Variants in PEPD observed in about 807,000 individuals in gnomAD.
PEPD encodes xaa-Pro dipeptidase.
In PEPD, 53 loss-of-function variants were observed where a neutral mutation model predicts 60.7. That is an observed-to-expected ratio of 0.87 (90% CI 0.70 to 1.10). The LOEUF (loss-of-function observed/expected upper bound fraction) is 1.10, where lower values mean the gene tolerates loss of function less well. Ranked by LOEUF, PEPD falls within the 50% of genes least tolerant of loss-of-function variation. The pLI, the probability that PEPD is intolerant of heterozygous loss-of-function variation, is 0.00. For synonymous variants in PEPD, 267 were observed against 284.1 expected, an observed-to-expected ratio of 0.94 and a Z score of 0.60; for missense variants, 711 against 711.9, an observed-to-expected ratio of 1.00 and a Z score of 0.01.
At position 33,387,451 on chromosome 19, in the gene PEPD, C is replaced by G; in HGVS notation, c.1375G>C (p.Asp459His). The change falls in exon 15 of 15, where the codon GAC becomes CAC. Residue 459 changes from aspartate (D) to histidine (H), a missense_variant. By Grantham distance (81) the Asp-to-His change is moderately conservative. Transcript: ENST00000244137. ...CAGGTCAGCAGCTCTATGCCGCTGT[C>G]AGTCACCACGACGTCCTCCTCGATG... ...VRIEEDVVVT[D>H]SGIELLTCVP... The G allele has an allele frequency of 6.2e-7, 1 of 1,613,944 alleles. No individual in the cohort carries two copies. The highest frequency in any genetic ancestry group is 8.5e-7 in the Non-Finnish European group (1 of 1,180,044).
chr19:33,455,050 G>A (rs1181346718), intron 9 of PEPD, among the ~76,000 whole-genome samples: 2 of 152,340 alleles, frequency 1.3e-5, no homozygotes, highest in African/African-American at 4.8e-5. Flanking sequence ...GCCCAGAGGA[G>A]GCTAAGGAGA....
At chr19:33,515,477 A>G (rs1971008251) in intron 1 of PEPD, among the ~76,000 whole-genome samples, 1 of 152,040 alleles carries the variant, frequency 6.6e-6, no homozygotes, top group Admixed American at 6.5e-5. Context: ...GAGAGTTCGT[A>G]AACATGACCA....
At chr19:33,451,168 G>C (rs952389214) in intron 9 of PEPD, among the ~76,000 whole-genome samples, 8 of 152,184 alleles carry the variant, frequency 5.3e-5, no homozygotes, top group Non-Finnish European at 1.0e-4. Context: ...TAATAAAGCT[G>C]TTTCTTCCTA....
intron 9 of PEPD, among the ~76,000 whole-genome samples, chr19:33,459,548 C>T (rs1318267791): frequency 6.6e-6 from 1 of 152,100 alleles, no homozygotes. Context: ...CCAACACGGA[C>T]GTCTTATTGG....
chr19:33,512,484 AG>A, intron 2 of PEPD, 108 bp downstream of exon 2: 1 of 1,032,034 alleles, frequency 9.7e-7, no homozygotes, highest in Non-Finnish European at 1.5e-6. Flanking sequence ...ACAGAGGCTC[AG>A]GGAGGGCCAC....
At chr19:33,500,203 G>A (rs1226152119) in intron 4 of PEPD, among the ~76,000 whole-genome samples, 3 of 152,222 alleles carry the variant, frequency 2.0e-5, no homozygotes, top group South Asian at 4.1e-4. Context: ...ACAGGACGTG[G>A]GGTTGTGACA....
rs1389825588 is a variant in PEPD at position 33,396,654 on chromosome 19, A to G, written c.967+5067T>C. On this transcript the variant is annotated intron_variant, in intron 12 of 14. Coordinates refer to ENST00000244137, the MANE Select transcript of PEPD (RefSeq NM_000285.4). ...GGGCCCCCAGTGACAGGGGCACAGG[A>G]GGCTCCTGGGTGAGCACAGGAAAGA... Among the ~76,000 whole-genome samples, 10 of 120,254 alleles carry G rather than the reference A, an allele frequency of 8.3e-5. 1 individual carries two copies. The highest frequency in any genetic ancestry group is 3.2e-4 in the African/African-American group (10 of 31,468). The allele number at this position is 120,254 out of a possible 152,430, so 78.9% of individuals were successfully genotyped here. A position where few individuals can be genotyped will look rare whatever the true frequency, so the allele number is the denominator to read the frequency against.
At chr19:33,477,182 G>A (rs1464707701) in intron 7 of PEPD, 1 of 152,340 alleles carries the variant, frequency 6.6e-6, no homozygotes, top group Non-Finnish European at 1.5e-5. Flanking sequence ...TGAACGAGTG[G>A]TCCTTTTGCC....
At chr19:33,517,980 G>A (rs1019657062) in intron 1 of PEPD, among the ~76,000 whole-genome samples, 4 of 151,772 alleles carry the variant, frequency 2.6e-5, no homozygotes, top group African/African-American at 9.7e-5. Flanking sequence ...ATGAAATGTG[G>A]AGCCACTTCT....
At chr19:33,487,644 AC>A (rs1970420873) in intron 6 of PEPD, among the ~76,000 whole-genome samples, 1 of 151,912 alleles carries the variant, frequency 6.6e-6, no homozygotes, top group African/African-American at 2.4e-5. Context: ...CCGGGTGAGC[AC>A]CCCCCAGTCA....
intron 1 of PEPD, among the ~76,000 whole-genome samples, chr19:33,518,031 G>A (rs1379281944): frequency 6.6e-6 from 1 of 151,898 alleles, no homozygotes; most frequent in African/African-American, 2.4e-5. Context: ...GGAGAGGCCA[G>A]CCAAGGACCA....
At chr19:33,511,213 C>G in intron 2 of PEPD, 58 bp from the exon 3 acceptor site, 1 of 1,597,454 alleles carries the variant, frequency 6.3e-7, no homozygotes, top group Non-Finnish European at 8.6e-7. Flanking sequence ...AAGGAGGGAC[C>G]GGTGGCTGCA....
intron 12 of PEPD, among the ~76,000 whole-genome samples, chr19:33,400,798 G>C (rs549076372): frequency 9.8e-5 from 15 of 152,340 alleles, no homozygotes; most frequent in Non-Finnish European, 2.1e-4. Context: ...TCACTGCTGG[G>C]AAATGGTTTC....
At chr19:33,411,014 A>T (rs191864085) in intron 11 of PEPD, among the ~76,000 whole-genome samples, 2 of 152,200 alleles carry the variant, frequency 1.3e-5, no homozygotes, top group Admixed American at 1.3e-4. Context: ...TGCCCTGCAC[A>T]CCGAGGGGCT....
At chr19:33,478,602 C>T (rs555319586) in intron 6 of PEPD, among the ~76,000 whole-genome samples, 288 of 151,992 alleles carry the variant, frequency 1.9e-3, no homozygotes, top group African/African-American at 6.7e-3. Context: ...ACAAGGGATC[C>T]TCAATTAGAT....
chr19:33,390,385 T>G (rs1403898826), intron 13 of PEPD, among the ~76,000 whole-genome samples: 1 of 152,246 alleles, frequency 6.6e-6, no homozygotes. Flanking sequence ...TTTAACTGTT[T>G]ACACTTGAGG....
At chr19:33,510,979 C>A (rs776471709) in intron 3 of PEPD, 49 bp downstream of exon 3, 3 of 1,593,356 alleles carry the variant, frequency 1.9e-6, no homozygotes, top group African/African-American at 1.3e-5. Flanking sequence ...CCTACCCACC[C>A]CCAGCCCATG....
At position 33,461,356 on chromosome 19, in the gene PEPD, C is replaced by T. The variant is rs183381310; in HGVS notation, c.671+1639G>A. ...CCTGGAAGGCATGAGGGCTAAGGAACGGCGGGTATTCCAGGTCCCCTGGCC... is the reference window on the plus strand; with the variant it reads ...CCTGGAAGGCATGAGGGCTAAGGAATGGCGGGTATTCCAGGTCCCCTGGCC... On this transcript the variant is annotated intron_variant, in intron 9 of 14. Coordinates refer to ENST00000244137, the MANE Select transcript of PEPD (RefSeq NM_000285.4). Among the ~76,000 whole-genome samples the T allele has an allele frequency of 4.6e-4, 70 of 152,044 alleles. No homozygotes were observed. In the East Asian group the frequency reaches 8.3e-3, roughly 18 times the overall value.
chr19:33,509,938 G>T (rs1163503695), intron 3 of PEPD, among the ~76,000 whole-genome samples: 4 of 152,144 alleles, frequency 2.6e-5, no homozygotes, highest in Non-Finnish European at 5.9e-5. Context: ...GAGCCGGGAG[G>T]GCAGGACCTG....
Sources: gnomAD v4.1 joint callset for allele counts (sites outside exome capture counted in the v4.1 genomes callset) on GRCh38, gnomAD v4.1.1 for gene constraint, MANE v1.5 for transcripts, NCBI Gene and HGNC (gene_info 2026-07-23, HGNC 2026-07-21) for gene names.